Variants in DHDDS observed in about 807,000 individuals in gnomAD.
The protein encoded by DHDDS is dehydrodolichyl diphosphate synthase subunit.
A neutral mutation model predicts 46.2 loss-of-function variants in DHDDS; 16 were observed. That is an observed-to-expected ratio of 0.35 (90% CI 0.23 to 0.53). DHDDS has a LOEUF of 0.53. Among genes scored for constraint, DHDDS ranks in the 20% least tolerant of loss-of-function variants. DHDDS has a pLI of 0.94. For missense variants in DHDDS, 340 were observed against 423.7 expected, an observed-to-expected ratio of 0.80 and a Z score of 1.73; for synonymous variants, 151 against 163.1, an observed-to-expected ratio of 0.93 and a Z score of 0.56.
chr1:26,463,504 A>C (rs1286538521), intron 8 of DHDDS: 9 of 151,450 alleles, frequency 5.9e-5, no homozygotes, highest in Non-Finnish European at 1.0e-4. Context: ...TAATTATGAA[A>C]CTCTTGTTTC....
intron 3 of DHDDS, among the ~76,000 whole-genome samples, chr1:26,441,513 T>C (rs531589294): frequency 4.1e-4 from 63 of 152,326 alleles, no homozygotes; most frequent in African/African-American, 1.5e-3. Context: ...TTCATTTCTT[T>C]TTGAGTTATA....
At chr1:26,467,229 C>G (rs139968879) in intron 8 of DHDDS, 2 of 435,768 alleles carry the variant, frequency 4.6e-6, no homozygotes, top group Non-Finnish European at 9.8e-6. Context: ...AGCCTGTAAG[C>G]ACCTGGATTG....
rs2124403465 is a variant in DHDDS, at chr1:26,442,736, G to A, written c.186G>A (p.Leu62=). The A allele has an allele frequency of 6.2e-7, 1 of 1,614,014 alleles. No homozygotes were observed. Among genetic ancestry groups the A allele is most frequent in the Non-Finnish European group, 8.5e-7 (1 of 1,179,992 alleles). The change falls in exon 4 of 9, where the codon CTG becomes CTA. Residue 62 remains leucine, a synonymous_variant. Transcript: ENST00000236342. ...SQGFNKLAET[L]RWCLNLGILE... ...CTTGCCTTCTCCCCTCTCAGACTCT[G>A]CGGTGGTGTTTGAACCTGGGCATCC...
At chr1:26,467,373 G>A (rs757967960) in intron 8 of DHDDS, 49 of 471,070 alleles carry the variant, frequency 1.0e-4, no homozygotes, top group Middle Eastern at 3.2e-4. Context: ...GTTCAAGCCC[G>A]AAGTCCTCAT....
intron 7 of DHDDS, 125 bp downstream of exon 7, chr1:26,458,030 T>G: frequency 2.5e-6 from 2 of 794,472 alleles, no homozygotes; most frequent in South Asian, 2.8e-5. Flanking sequence ...TGGGGAAAGC[T>G]AAAATCTGGA....
chr1:26,469,664 T>A lies in DHDDS; in HGVS notation c.*533T>A. 4.5e-6 allele frequency: 1 copy of A among 223,834 alleles called. No individual in the cohort carries two copies. The highest frequency in any genetic ancestry group is 9.1e-6 in the Non-Finnish European group (1 of 109,474). The allele number at this position is 223,834 out of a possible 1,614,324, so 13.9% of individuals were successfully genotyped here. On this transcript the variant is annotated 3_prime_UTR_variant, in exon 9 of 9. Coordinates refer to ENST00000236342, the MANE Select transcript of DHDDS (RefSeq NM_205861.3). ...ATCTGCTGCTCCTCCCCCTTGGCTC[T>A]CCACCTGGGATTTGCTATTGAATCT... is the stretch of plus-strand genomic sequence containing the variant.
chr1:26,461,591 G>A (rs2075422873), intron 8 of DHDDS, among the ~76,000 whole-genome samples: 1 of 151,970 alleles, frequency 6.6e-6, no homozygotes, highest in South Asian at 2.1e-4. Flanking sequence ...CTCCATGTTG[G>A]TCAGGCTGGT....
intron 5 of DHDDS, among the ~76,000 whole-genome samples, chr1:26,446,843 A>C (rs2075274007): frequency 6.6e-6 from 1 of 152,226 alleles, no homozygotes; most frequent in Non-Finnish European, 1.5e-5. Context: ...TTGGGAGGTC[A>C]TACAGATGTA....
At chr1:26,468,765 T>C (rs2075518923) in intron 8 of DHDDS, 130 bp from the exon 9 acceptor site, 2 of 1,321,302 alleles carry the variant, frequency 1.5e-6, no homozygotes, top group Admixed American at 2.0e-5. Context: ...CCTTTTCAAA[T>C]CTGGTACCTA....
chr1:26,460,647 T>C (rs1220228047), intron 8 of DHDDS, among the ~76,000 whole-genome samples: 1 of 152,234 alleles, frequency 6.6e-6, no homozygotes, highest in Non-Finnish European at 1.5e-5. Flanking sequence ...TCACCAAATC[T>C]TGAAACAGGT....
At chr1:26,455,925 T>C (rs1270053199) in intron 6 of DHDDS, among the ~76,000 whole-genome samples, 1 of 152,222 alleles carries the variant, frequency 6.6e-6, no homozygotes, top group African/African-American at 2.4e-5. Context: ...CTGGACATTC[T>C]GAATTCTGCT....
chr1:26,436,179 C>G (rs1443237099), intron 2 of DHDDS, among the ~76,000 whole-genome samples: 1 of 151,894 alleles, frequency 6.6e-6, no homozygotes, highest in Non-Finnish European at 1.5e-5. Context: ...GAGTAGATCT[C>G]TTGATCCCAG....
chr1:26,445,150 T>C (rs914425246), intron 4 of DHDDS, among the ~76,000 whole-genome samples: 13 of 152,176 alleles, frequency 8.5e-5, no homozygotes, highest in Admixed American at 5.9e-4. Context: ...AAAAGGGGAA[T>C]AATAAGGGTA....
intron 2 of DHDDS, among the ~76,000 whole-genome samples, chr1:26,436,603 T>G (rs2075159678): frequency 6.6e-6 from 1 of 151,748 alleles, no homozygotes; most frequent in African/African-American, 2.4e-5. Flanking sequence ...TTTTGTATTT[T>G]TAGTAGAGAC....
intron 3 of DHDDS, 157 bp downstream of exon 3, chr1:26,438,441 T>C (rs573025398): frequency 1.5e-5 from 11 of 736,160 alleles, no homozygotes; most frequent in Non-Finnish European, 9.3e-6. Context: ...CATCTTGACA[T>C]TGGCCAGACG....
At chr1:26,460,939 T>C (rs186880130) in intron 8 of DHDDS, among the ~76,000 whole-genome samples, 2 of 152,310 alleles carry the variant, frequency 1.3e-5, no homozygotes, top group East Asian at 3.9e-4. Flanking sequence ...AGTGGTGCGA[T>C]CTGGGCTCAC....
chr1:26,459,433 A>G (rs2075401588), intron 7 of DHDDS, among the ~76,000 whole-genome samples: 1 of 152,240 alleles, frequency 6.6e-6, no homozygotes, highest in Non-Finnish European at 1.5e-5. Context: ...GCTCTTTGCT[A>G]TGCATATGTT....
chr1:26,440,439 C>T (rs1279795870), intron 3 of DHDDS, among the ~76,000 whole-genome samples: 1 of 152,236 alleles, frequency 6.6e-6, no homozygotes, highest in East Asian at 1.9e-4. Flanking sequence ...AGTTATGTAG[C>T]TTCCCTTTGC....
chr1:26,461,937 C>T (rs1272582340), intron 8 of DHDDS, among the ~76,000 whole-genome samples: 2 of 152,148 alleles, frequency 1.3e-5, no homozygotes, highest in Admixed American at 1.3e-4. Flanking sequence ...CCTCTAAAAA[C>T]TAAAACTTTA....
Sources: gnomAD v4.1 joint callset for allele counts (sites outside exome capture counted in the v4.1 genomes callset) on GRCh38, gnomAD v4.1.1 for gene constraint, MANE v1.5 for transcripts, NCBI Gene and HGNC (gene_info 2026-07-23, HGNC 2026-07-21) for gene names.